Variants in WDR82 observed in about 807,000 individuals in gnomAD.
The protein encoded by WDR82 is WD repeat domain 82.
WDR82 carries 8 observed loss-of-function variants against 36.1 expected under a neutral mutation model. That is an observed-to-expected ratio of 0.22 (90% CI 0.13 to 0.40). The LOEUF is 0.40. Ranked by LOEUF, WDR82 falls within the 10% of genes least tolerant of loss-of-function variation. WDR82 has a pLI of 1.00. For synonymous variants in WDR82, 129 were observed against 137.8 expected (o/e 0.94, Z 0.45); for missense variants, 185 against 400.5 (o/e 0.46, Z 4.59).
chr3:52,275,962 C>T (rs1700199618), intron 1 of WDR82, among the ~76,000 whole-genome samples: 1 of 152,138 alleles, frequency 6.6e-6, no homozygotes, highest in South Asian at 2.1e-4. Context: ...TGGGGGGAGG[C>T]ACACAGTACA....
chr3:52,263,850 G>C (rs975953286), intron 3 of WDR82, among the ~76,000 whole-genome samples: 3 of 152,210 alleles, frequency 2.0e-5, no homozygotes, highest in Non-Finnish European at 4.4e-5. Context: ...AGAAGAGACA[G>C]CTACAAAGAT....
chr3:52,259,692 C>T, intron 6 of WDR82, 25 bp downstream of exon 6: 4 of 1,598,870 alleles, frequency 2.5e-6, no homozygotes, highest in Non-Finnish European at 3.4e-6. Flanking sequence ...ATGGAAACAG[C>T]CATGCTTGAA....
At chr3:52,273,418 C>T (rs1181464270) in intron 1 of WDR82, among the ~76,000 whole-genome samples, 4 of 138,732 alleles carry the variant, frequency 2.9e-5, no homozygotes, top group African/African-American at 1.0e-4. Context: ...GCAACAAGAG[C>T]GAAACTCCGT....
At position 52,254,847 on chromosome 3, in the gene WDR82, C is replaced by T. The variant is rs1442862717; in HGVS notation, c.*2643G>A. 6.6e-6 allele frequency: 1 copy of T among 152,332 alleles called. No homozygotes were observed. Among genetic ancestry groups the T allele is most frequent in the Non-Finnish European group, 1.5e-5 (1 of 68,156 alleles). The allele number at this position is 152,332 out of a possible 1,614,324, so 9.4% of individuals were successfully genotyped here. ...CAGCCCCAGCCCTCAGCATCTCTTC[C>T]ACTCGCTTCCAGCTATATCTTTTCC... On this transcript the variant is annotated 3_prime_UTR_variant, in exon 9 of 9. Coordinates refer to ENST00000296490, the MANE Select transcript of WDR82 (RefSeq NM_025222.4).
rs1383774070 is a variant in WDR82 at position 52,254,636 on chromosome 3, T to C, written c.*2854A>G. 1 of 152,644 alleles carries C rather than the reference T, an allele frequency of 6.6e-6. No individual in the cohort carries two copies. The highest frequency in any genetic ancestry group is 1.5e-5 in the Non-Finnish European group (1 of 68,044). 9.5% of individuals were successfully genotyped at this position (152,644 alleles called of 1,614,324 possible). A position where few individuals can be genotyped will look rare whatever the true frequency, so the allele number is the denominator to read the frequency against. ...GATTCTTTCTAAAATTCCCATATTT[T>C]CCTTAATAAGCAGTAATTATAATTA... On this transcript the variant is annotated 3_prime_UTR_variant, in exon 9 of 9. Coordinates refer to ENST00000296490, the MANE Select transcript of WDR82 (RefSeq NM_025222.4).
chr3:52,258,783 C>A, intron 7 of WDR82, 105 bp from the exon 8 acceptor site: 3 of 1,515,534 alleles, frequency 2.0e-6, no homozygotes, highest in Non-Finnish European at 8.9e-7. Flanking sequence ...GCTTTAGGAC[C>A]CATCCCTCAG....
Position 52,256,968 on chromosome 3 carries a change from T to C in WDR82, c.*522A>G, listed in dbSNP as rs1193457148. 1 of 153,868 alleles carries C rather than the reference T, an allele frequency of 6.5e-6. No individual in the cohort carries two copies. Among genetic ancestry groups the C allele is most frequent in the African/African-American group, 2.4e-5 (1 of 41,498 alleles). 9.5% of individuals were successfully genotyped at this position (153,868 alleles called of 1,614,324 possible). A position where few individuals can be genotyped will look rare whatever the true frequency, so the allele number is the denominator to read the frequency against. Reference sequence around the variant, plus strand: ...ACCCCAAGATATATGAAAATGTTTCTGTAAATGTTTGGCACCTAAGAAACA... The same window carrying C: ...ACCCCAAGATATATGAAAATGTTTCCGTAAATGTTTGGCACCTAAGAAACA... On this transcript the variant is annotated 3_prime_UTR_variant, in exon 9 of 9. Transcript: ENST00000296490.
At chr3:52,275,194 C>G (rs980797850) in intron 1 of WDR82, among the ~76,000 whole-genome samples, 4 of 152,146 alleles carry the variant, frequency 2.6e-5, no homozygotes, top group Non-Finnish European at 5.9e-5. Flanking sequence ...GCACTCCAGC[C>G]TGGGCAACAA....
intron 3 of WDR82, among the ~76,000 whole-genome samples, chr3:52,266,175 T>C (rs1700104296): frequency 6.6e-6 from 1 of 152,096 alleles, no homozygotes; most frequent in African/African-American, 2.4e-5. Flanking sequence ...TGCATTCTCA[T>C]TAAGATCTTT....
At chr3:52,263,959 T>A (rs1383866136) in intron 3 of WDR82, among the ~76,000 whole-genome samples, 1 of 151,566 alleles carries the variant, frequency 6.6e-6, no homozygotes, top group Non-Finnish European at 1.5e-5. Context: ...AGGTCAGGAG[T>A]TTGACAGCGG....
At chr3:52,269,447 C>T (rs1181219116) in intron 2 of WDR82, among the ~76,000 whole-genome samples, 2 of 152,122 alleles carry the variant, frequency 1.3e-5, no homozygotes, top group Non-Finnish European at 2.9e-5. Flanking sequence ...TGCACTCCAG[C>T]CTGGGCAACA....
intron 2 of WDR82, chr3:52,268,217 C>T: frequency 4.7e-6 from 2 of 427,128 alleles, no homozygotes; most frequent in South Asian, 3.3e-5. Flanking sequence ...ACCTGGTTTC[C>T]CAGAGATGAG....
At chr3:52,273,858 G>A (rs1488382584) in intron 1 of WDR82, among the ~76,000 whole-genome samples, 2 of 152,134 alleles carry the variant, frequency 1.3e-5, no homozygotes, top group South Asian at 2.1e-4. Context: ...CCTGACCCAG[G>A]CGATCCACCC....
chr3:52,257,940 TA>T (rs1021034034), intron 8 of WDR82, among the ~76,000 whole-genome samples: 106 of 143,848 alleles, frequency 7.4e-4, no homozygotes, highest in Non-Finnish European at 6.1e-4. Context: ...TTTTCTTGGT[TA>T]AAAAAAAAAA....
In WDR82 at chr3:52,257,234, C is replaced by T. The variant is rs1273782386; in HGVS notation, c.*256G>A. On this transcript the variant is annotated 3_prime_UTR_variant, in exon 9 of 9. Transcript: ENST00000296490. Reference sequence around the variant, plus strand: ...CAAATCGTGAGTCTGGTCACTCCTCCAGCAGAGCTTGGTGCAGTGACAGTT... The same window carrying T: ...CAAATCGTGAGTCTGGTCACTCCTCTAGCAGAGCTTGGTGCAGTGACAGTT... 9.0e-6 allele frequency: 5 copies of T among 557,456 alleles called. No homozygotes were observed. Among genetic ancestry groups the T allele is most frequent in the South Asian group, 4.4e-5 (2 of 45,414 alleles). The allele number at this position is 557,456 out of a possible 1,614,324, so 34.5% of individuals were successfully genotyped here.
intron 1 of WDR82, among the ~76,000 whole-genome samples, chr3:52,277,774 A>G (rs887309509): frequency 2.0e-5 from 3 of 152,200 alleles, no homozygotes; most frequent in Non-Finnish European, 4.4e-5. Flanking sequence ...GAGAGAGCAC[A>G]AGAGAGAGCT....
Position 52,278,510 on chromosome 3 carries a change from C to T in WDR82, c.-149G>A. 3.3e-6 allele frequency: 2 copies of T among 613,360 alleles called. No individual in the cohort carries two copies. 38.0% of individuals were successfully genotyped at this position (613,360 alleles called of 1,614,324 possible). ...GCCAACAGTTGGGCCGCCTCCTCCT[C>T]TTCTTCCTGCTTGGTCGAGGGTCTT... On this transcript the variant is annotated 5_prime_UTR_variant, in exon 1 of 9. Coordinates refer to ENST00000296490, the MANE Select transcript of WDR82 (RefSeq NM_025222.4).
At position 52,278,248 on chromosome 3, in the gene WDR82, C is replaced by A. The variant is rs745320503; in HGVS notation, c.114G>T (p.Ser38=). 1.9e-6 allele frequency: 3 copies of A among 1,609,890 alleles called. No homozygotes were observed. Among genetic ancestry groups the A allele is most frequent in the Admixed American group, 3.4e-5 (2 of 59,534 alleles). Residue 38 remains serine (S), a synonymous_variant, in exon 1 of 9, where the codon TCG becomes TCT. Coordinates refer to ENST00000296490, the MANE Select transcript of WDR82 (RefSeq NM_025222.4). ...DFSPNGETVI[S]SSDDDSIVLY... ...GCACGATGGAGTCGTCGTCGCTACT[C>A]GAGATGACCGTCTCGCCGTTGGGGC...
chr3:52,275,644 G>T (rs1255006985), intron 1 of WDR82, among the ~76,000 whole-genome samples: 1 of 152,142 alleles, frequency 6.6e-6, no homozygotes, highest in African/African-American at 2.4e-5. Context: ...CCAGCACTTT[G>T]GGAGGCTGAG....
Sources: gnomAD v4.1 joint callset for allele counts (sites outside exome capture counted in the v4.1 genomes callset) on GRCh38, gnomAD v4.1.1 for gene constraint, MANE v1.5 for transcripts, NCBI Gene and HGNC (gene_info 2026-07-23, HGNC 2026-07-21) for gene names.